TTK: variants seen among roughly 807,000 people sequenced by gnomAD.
TTK encodes the protein TTK protein kinase.
TTK carries 59 observed loss-of-function variants against 117.3 expected under a neutral mutation model. That is an observed-to-expected ratio of 0.50 (90% confidence interval 0.41 to 0.62). The LOEUF (loss-of-function observed/expected upper bound fraction) is 0.62. Among genes scored for constraint, TTK ranks in the 20% least tolerant of loss-of-function variants. The probability of loss-of-function intolerance (pLI) is 0.00; values close to 1 mark genes in which losing one functional copy is unlikely to be tolerated. For missense variants in TTK, 921 were observed against 989.4 expected (o/e 0.93, Z 0.93); for synonymous variants, 302 against 325.0 (o/e 0.93, Z 0.76).
Position 80,038,045 on chromosome 6 carries a change from A to C in TTK, c.2128A>C (p.Lys710Gln). 1 of 1,600,662 alleles carries C rather than the reference A, an allele frequency of 6.2e-7. No individual in the cohort carries two copies. The highest frequency in any genetic ancestry group is 8.5e-7 in the Non-Finnish European group (1 of 1,171,160). Residue 710 changes from lysine (K) to glutamine (Q), a missense_variant and splice_region_variant, in exon 18 of 22, where the codon AAG becomes CAG. Coordinates refer to ENST00000369798, the MANE Select transcript of TTK (RefSeq NM_003318.5). ...SSRENGKSKS[K>Q]ISPKSDVWSL... ...CAGAGAGAATGGGAAATCTAAGTCA[A>C]AGGTACTGAAAAGATTATTTACATC...
At chr6:80,016,933 C>CT (rs1193645296) in intron 10 of TTK, among the ~76,000 whole-genome samples, 1 of 152,216 alleles carries the variant, frequency 6.6e-6, no homozygotes, top group Admixed American at 6.5e-5. Context: ...CTAGTAAAAT[C>CT]TATTTCCAGA....
At chr6:80,029,083 A>T (rs967611732) in intron 13 of TTK, among the ~76,000 whole-genome samples, 4 of 152,246 alleles carry the variant, frequency 2.6e-5, no homozygotes, top group African/African-American at 4.8e-5. Flanking sequence ...TTTAAATAAA[A>T]CAATAAAAAA....
chr6:80,020,236 T>A (rs1767421898), intron 10 of TTK, among the ~76,000 whole-genome samples: 1 of 152,192 alleles, frequency 6.6e-6, no homozygotes, highest in South Asian at 2.1e-4. Context: ...CCCTGATAGG[T>A]AATCTAAGGA....
chr6:80,030,338 G>A (rs1323724051), intron 13 of TTK, among the ~76,000 whole-genome samples: 1 of 152,186 alleles, frequency 6.6e-6, no homozygotes, highest in Non-Finnish European at 1.5e-5. Flanking sequence ...GGGGCTGGTT[G>A]TATAGTACAT....
At chr6:80,022,068 A>G (rs1309694823) in intron 10 of TTK, among the ~76,000 whole-genome samples, 1 of 152,236 alleles carries the variant, frequency 6.6e-6, no homozygotes, top group Non-Finnish European at 1.5e-5. Context: ...ATTGGTAAAG[A>G]AGCATTTAAA....
chr6:80,041,241 A>C (rs1323974527), intron 21 of TTK, among the ~76,000 whole-genome samples: 2 of 151,828 alleles, frequency 1.3e-5, no homozygotes, highest in Non-Finnish European at 3.0e-5. Flanking sequence ...GCCAACAAGC[A>C]GTTACTAATT....
intron 8 of TTK, among the ~76,000 whole-genome samples, chr6:80,012,231 A>T (rs1767179446): frequency 6.6e-6 from 1 of 152,050 alleles, no homozygotes. Flanking sequence ...CATTAAGCTT[A>T]AAAGACTGAT....
In TTK at chr6:80,040,154, AACCTGCT is replaced by A. The variant is rs754974395; in HGVS notation, c.2308-41_2308-35del. On this transcript the variant is annotated intron_variant, in intron 19 of 21. Coordinates refer to ENST00000369798, the MANE Select transcript of TTK (RefSeq NM_003318.5). Reference sequence around the variant, plus strand: ...ATACTTTATCAATATCATATATGAAAACCTGCTTTGTTTTTCTTTTAAAATATCTTTG... The same window carrying A: ...ATACTTTATCAATATCATATATGAAATTGTTTTTCTTTTAAAATATCTTTG... 10 of 1,455,844 alleles carry A rather than the reference AACCTGCT, an allele frequency of 6.9e-6. No individual in the cohort carries two copies. The African/African-American group carries it at 1.5e-4, about 21-fold the overall frequency. The allele number at this position is 1,455,844 out of a possible 1,614,324, so 90.2% of individuals were successfully genotyped here.
At chr6:80,028,208 A>AG (rs1767657059) in intron 13 of TTK, among the ~76,000 whole-genome samples, 197 bp downstream of exon 13, 1 of 152,154 alleles carries the variant, frequency 6.6e-6, no homozygotes, top group Non-Finnish European at 1.5e-5. Context: ...AAGCTTACGA[A>AG]GCTACTCTTA....
At chr6:80,028,147 G>T in intron 13 of TTK, 136 bp downstream of exon 13, 1 of 945,522 alleles carries the variant, frequency 1.1e-6, no homozygotes, top group Non-Finnish European at 1.5e-6. Context: ...AAACTTTTCT[G>T]ATATTCTAAT....
At chr6:80,019,333 AT>A (rs1453327763) in intron 10 of TTK, among the ~76,000 whole-genome samples, 1 of 152,198 alleles carries the variant, frequency 6.6e-6, no homozygotes, top group African/African-American at 2.4e-5. Context: ...TATTAACCAA[AT>A]GCTAGCAGTT....
chr6:80,013,492 C>T (rs1767221563), intron 9 of TTK, 126 bp downstream of exon 9: 6 of 714,110 alleles, frequency 8.4e-6, no homozygotes, highest in Non-Finnish European at 1.2e-5. Context: ...GTTCCACATA[C>T]CCCAAGAGCT....
chr6:80,035,211 C>T, intron 15 of TTK, 55 bp from the exon 16 acceptor site: 7 of 1,536,200 alleles, frequency 4.6e-6, no homozygotes, highest in Non-Finnish European at 6.1e-6. Context: ...ATTTAGTAAA[C>T]TTTAATATAA....
intron 8 of TTK, 73 bp downstream of exon 8, chr6:80,012,053 T>G: frequency 8.5e-7 from 1 of 1,170,660 alleles, no homozygotes; most frequent in Non-Finnish European, 1.2e-6. Flanking sequence ...CTTAAAGTCT[T>G]TTACTGAGTA....
chr6:80,022,987 T>C (rs1767503960), intron 11 of TTK, among the ~76,000 whole-genome samples: 1 of 152,222 alleles, frequency 6.6e-6, no homozygotes, highest in South Asian at 2.1e-4. Context: ...AAATATAGCC[T>C]AGACAACGTA....
chr6:80,031,055 AAAAAG>A (rs1163849492), intron 13 of TTK, among the ~76,000 whole-genome samples: 1 of 151,468 alleles, frequency 6.6e-6, no homozygotes, highest in Non-Finnish European at 1.5e-5. Context: ...AAAAAAAAAA[AAAAAG>A]AAAAGAATGC....
At chr6:80,015,535 C>T (rs958617128) in intron 10 of TTK, among the ~76,000 whole-genome samples, 3 of 152,034 alleles carry the variant, frequency 2.0e-5, no homozygotes, top group African/African-American at 7.2e-5. Context: ...AGTCCAATAT[C>T]CCAAGAATGC....
chr6:80,007,358 G>A (rs1204631831), intron 2 of TTK, among the ~76,000 whole-genome samples: 4 of 152,120 alleles, frequency 2.6e-5, no homozygotes, highest in African/African-American at 9.7e-5. Context: ...TGTAAAGAAG[G>A]TTATGTTAGG....
intron 4 of TTK, among the ~76,000 whole-genome samples, chr6:80,009,995 G>A (rs998791958): frequency 6.6e-6 from 1 of 151,986 alleles, no homozygotes; most frequent in African/African-American, 2.4e-5. Flanking sequence ...GTAGATGTAA[G>A]CACTATCAAA....
Sources: allele counts gnomAD v4.1 joint callset (sites outside exome capture counted in the v4.1 genomes callset), GRCh38; gene constraint gnomAD v4.1.1; transcripts MANE v1.5; gene names NCBI Gene and HGNC (gene_info 2026-07-23, HGNC 2026-07-21).